Variants in FGF14 observed in about 807,000 individuals in gnomAD.
FGF14 encodes fibroblast growth factor homologous factor 4.
Under a neutral mutation model 25.5 loss-of-function variants are expected in FGF14, and 5 were observed. That is an observed-to-expected ratio of 0.20 (90% CI 0.10 to 0.41). FGF14 has a LOEUF of 0.41. Ranked by LOEUF, FGF14 falls within the 10% of genes least tolerant of loss-of-function variation. The pLI is 1.00. For synonymous variants in FGF14, 138 were observed against 118.3 expected (o/e 1.17, Z -1.08); for missense variants, 222 against 320.1 (o/e 0.69, Z 2.34).
chr13:102,036,558 G>C (rs1001010493), intron 1 of FGF14, among the ~76,000 whole-genome samples: 5 of 152,058 alleles, frequency 3.3e-5, no homozygotes, highest in Non-Finnish European at 5.9e-5. Context: ...GATGTCACTA[G>C]GGGCATTCCA....
chr13:102,154,533 G>C (rs1594177780), intron 1 of FGF14, among the ~76,000 whole-genome samples: 1 of 152,060 alleles, frequency 6.6e-6, no homozygotes, highest in Non-Finnish European at 1.5e-5. Context: ...ACATGGAAAG[G>C]AACAACCGGT....
rs2034620304 is a variant in FGF14 at position 101,714,384 on chromosome 13, G to A, written c.*8447C>T. The A allele has an allele frequency of 9.9e-7, 1 of 1,006,624 alleles. No individual in the cohort carries two copies. The highest frequency in any genetic ancestry group is 1.6e-6 in the Non-Finnish European group (1 of 627,622). The allele number at this position is 1,006,624 out of a possible 1,614,324, so 62.4% of individuals were successfully genotyped here. A position where few individuals can be genotyped will look rare whatever the true frequency, so the allele number is the denominator to read the frequency against. On this transcript the variant is annotated 3_prime_UTR_variant, in exon 5 of 5. Coordinates refer to ENST00000376143, the MANE Select transcript of FGF14 (RefSeq NM_004115.4). ...AGTGTGTCAACGATATTCTATTCGA[G>A]ATGGAAACCTTTAGTTATAAGGTGA...
chr13:102,368,874 C>A (rs1157236299), intron 1 of FGF14, among the ~76,000 whole-genome samples: 1 of 152,128 alleles, frequency 6.6e-6, no homozygotes, highest in Non-Finnish European at 1.5e-5. Context: ...AATTTAATAG[C>A]ATATAAAGCT....
rs1011997269 is a variant in FGF14, at chr13:101,719,943, C to T, written c.*2888G>A. On this transcript the variant is annotated 3_prime_UTR_variant, in exon 5 of 5. Coordinates refer to ENST00000376143, the MANE Select transcript of FGF14 (RefSeq NM_004115.4). The stretch of plus-strand genomic sequence containing the variant: ...ATCAAAGAGCTAAAATTTTCTTTGG[C>T]ATGGTAAAGGGGGAAATTGAGTTTA... The T allele has an allele frequency of 1.3e-5, 2 of 152,042 alleles. No individual in the cohort carries two copies. Among genetic ancestry groups the T allele is most frequent in the South Asian group, 2.1e-4 (1 of 4,822 alleles). The allele number at this position is 152,042 out of a possible 1,614,324, so 9.4% of individuals were successfully genotyped here. A position where few individuals can be genotyped will look rare whatever the true frequency, so the allele number is the denominator to read the frequency against.
chr13:102,332,547 A>C (rs2138844635), intron 1 of FGF14, among the ~76,000 whole-genome samples: 1 of 152,188 alleles, frequency 6.6e-6, no homozygotes, highest in African/African-American at 2.4e-5. Context: ...ATTTTCCCAG[A>C]ATTTAAGGCT....
At chr13:101,724,333 A>C (rs1268736785) in intron 4 of FGF14, among the ~76,000 whole-genome samples, 2 of 151,770 alleles carry the variant, frequency 1.3e-5, no homozygotes, top group African/African-American at 4.8e-5. Flanking sequence ...TCAGCAAACT[A>C]TCTCAAGGAC....
At chr13:101,928,830 T>C (rs1170150330) in intron 1 of FGF14, among the ~76,000 whole-genome samples, 1 of 132,526 alleles carries the variant, frequency 7.5e-6, no homozygotes, top group African/African-American at 3.4e-5. Context: ...CTCCAGAGCA[T>C]TTCTGGAACA....
chr13:101,946,566 C>T (rs1276070116), intron 1 of FGF14, among the ~76,000 whole-genome samples: 1 of 152,204 alleles, frequency 6.6e-6, no homozygotes, highest in Non-Finnish European at 1.5e-5. Flanking sequence ...CCCTTCTGGT[C>T]TGTCCATTTC....
At chr13:102,145,743 A>G (rs1464247219) in intron 1 of FGF14, among the ~76,000 whole-genome samples, 1 of 152,206 alleles carries the variant, frequency 6.6e-6, no homozygotes, top group African/African-American at 2.4e-5. Context: ...AAATATCAGT[A>G]GATTAATAAA....
At chr13:102,269,664 C>T (rs1430833069) in intron 1 of FGF14, among the ~76,000 whole-genome samples, 1 of 152,122 alleles carries the variant, frequency 6.6e-6, no homozygotes, top group Non-Finnish European at 1.5e-5. Context: ...GCTAGGACTG[C>T]CAGGCATGTG....
chr13:101,796,295 C>T (rs1042238808), intron 3 of FGF14, among the ~76,000 whole-genome samples: 1 of 152,138 alleles, frequency 6.6e-6, no homozygotes, highest in Middle Eastern at 3.4e-3. Context: ...GATAAAACAC[C>T]TTGCTGTAGC....
At chr13:101,917,055 GCGGCTCCCCGGGCGC>G (rs1325858158), upstream of FGF14, among the ~76,000 whole-genome samples, 1 of 151,454 alleles carries the variant, frequency 6.6e-6, no homozygotes, top group African/African-American at 2.4e-5. Context: ...GAGCCGGCCG[GCGGCTCCCCGGGCGC>G]CGGCTGGAGG....
At chr13:101,950,803 G>A in intron 1 of FGF14, among the ~76,000 whole-genome samples, 1 of 140,754 alleles carries the variant, frequency 7.1e-6, no homozygotes, top group East Asian at 2.1e-4. Context: ...AATAGGAGAA[G>A]AACAGGTTTG....
chr13:102,205,606 G>A (rs2049870079), intron 1 of FGF14, among the ~76,000 whole-genome samples: 1 of 151,800 alleles, frequency 6.6e-6, no homozygotes, highest in South Asian at 2.1e-4. Flanking sequence ...TTGATAGCCT[G>A]GTATATATTC....
intron 3 of FGF14, among the ~76,000 whole-genome samples, chr13:101,774,388 G>A (rs1016218731): frequency 6.6e-6 from 1 of 152,120 alleles, no homozygotes; most frequent in Non-Finnish European, 1.5e-5. Flanking sequence ...GTCTTTCACT[G>A]GGAGGCTTAA....
chr13:102,277,316 T>C (rs1456379568), intron 1 of FGF14, among the ~76,000 whole-genome samples: 5 of 152,238 alleles, frequency 3.3e-5, no homozygotes, highest in Admixed American at 1.3e-4. Context: ...CTGAAAGTTA[T>C]TCAAAACTTG....
At chr13:102,299,144 AAGCAAAAGAAT>A (rs1271426720) in intron 1 of FGF14, among the ~76,000 whole-genome samples, 1 of 152,194 alleles carries the variant, frequency 6.6e-6, no homozygotes, top group African/African-American at 2.4e-5. Context: ...AGAATTTTCT[AAGCAAAAGAAT>A]AGCAAGATGC....
rs1359720323 is a variant in FGF14 at position 101,908,628 on chromosome 13, G to A, written c.193+7825C>T. ...ATGGAAGAACATTCCATGCTCATGGGTAGGAAGAATCAATATCATGAAAAT... is the reference window on the plus strand; with the variant it reads ...ATGGAAGAACATTCCATGCTCATGGATAGGAAGAATCAATATCATGAAAAT... On this transcript the variant is annotated intron_variant, in intron 1 of 4. Transcript: ENST00000376143. Among the ~76,000 whole-genome samples the A allele has an allele frequency of 2.6e-5, 4 of 152,086 alleles. No homozygotes were observed. The South Asian group carries it at 6.2e-4, about 24-fold the overall frequency.
At chr13:102,248,752 A>T (rs1409338794) in intron 1 of FGF14, among the ~76,000 whole-genome samples, 1 of 152,226 alleles carries the variant, frequency 6.6e-6, no homozygotes, top group Admixed American at 6.5e-5. Context: ...AACATATTAC[A>T]TGCAGAAAGA....
Sources: gnomAD v4.1 joint callset for allele counts (sites outside exome capture counted in the v4.1 genomes callset) on GRCh38, gnomAD v4.1.1 for gene constraint, MANE v1.5 for transcripts, NCBI Gene and HGNC (gene_info 2026-07-23, HGNC 2026-07-21) for gene names.